CCDC82: variants seen among roughly 807,000 people sequenced by gnomAD.
The protein encoded by CCDC82 is coiled-coil domain containing 82.
In CCDC82, 47 loss-of-function variants were observed where a neutral mutation model predicts 60.6. The ratio of observed to expected loss-of-function variants is 0.77; its 90% CI spans 0.61 to 0.99. The LOEUF is 0.99. Ranked by LOEUF, CCDC82 falls within the 50% of genes least tolerant of loss-of-function variation. The pLI is 0.00. For synonymous variants in CCDC82, 212 were observed against 207.4 expected, an observed-to-expected ratio of 1.02 and a Z score of -0.19; for missense variants, 588 against 633.0, an observed-to-expected ratio of 0.93 and a Z score of 0.76.
chr11:96,360,513 T>A (rs1462834771), intron 8 of CCDC82, among the ~76,000 whole-genome samples: 2 of 152,002 alleles, frequency 1.3e-5, no homozygotes, highest in Non-Finnish European at 2.9e-5. Context: ...TTTACCTACA[T>A]CATTTTACCC....
rs142998560 is a variant in CCDC82 at position 96,369,703 on chromosome 11, A to G, written c.1209+1310T>C. 1.9e-3 allele frequency among the ~76,000 whole-genome samples: 296 copies of G among 152,336 alleles called. 1 individual carries two copies. The highest frequency in any genetic ancestry group is 6.9e-3 in the African/African-American group (288 of 41,582). ...TAATGAAAAAGTTTGAAATACTGCA[A>G]TAATTACCAAAATGTGACAGAGATG... On this transcript the variant is annotated intron_variant, in intron 7 of 9. Coordinates refer to ENST00000646818, the MANE Select transcript of CCDC82 (RefSeq NM_024725.4).
Position 96,371,010 on chromosome 11 carries a change from T to A in CCDC82, c.1209+3A>T. ...AGCAGAGATTCAAAAACAAACTGTG[T>A]ACCTTATATTGCTCTTTCCAACGAC... On this transcript the variant is annotated splice_donor_region_variant and intron_variant, in intron 7 of 9. Transcript: ENST00000646818. 6.3e-7 allele frequency: 1 copy of A among 1,575,534 alleles called. No individual in the cohort carries two copies. The highest frequency in any genetic ancestry group is 8.6e-7 in the Non-Finnish European group (1 of 1,164,446).
chr11:96,356,536 C>T (rs961610392), intron 9 of CCDC82: 3 of 985,022 alleles, frequency 3.0e-6, no homozygotes, highest in South Asian at 4.7e-5. Context: ...CCAGGAAGTC[C>T]CATCATCATA....
chr11:96,385,295 T>G (rs1866131281), intron 3 of CCDC82: 1 of 152,560 alleles, frequency 6.6e-6, no homozygotes, highest in Admixed American at 6.6e-5. Context: ...ACTCTGGCTT[T>G]AAGAAAGAAG....
rs71040144 is a variant in CCDC82, at chr11:96,368,865, C to CAA, written c.1209+2146_1209+2147dup. Among the ~76,000 whole-genome samples the CAA allele has an allele frequency of 1.2e-3, 167 of 142,124 alleles. 3 individuals are homozygous for CAA. The highest frequency in any genetic ancestry group is 7.0e-3 in the South Asian group (31 of 4,436). The allele number at this position is 142,124 out of a possible 152,430, so 93.2% of individuals were successfully genotyped here. On this transcript the variant is annotated intron_variant, in intron 7 of 9. Transcript: ENST00000646818. ...TGGGCGATGGAGAGAGACTCCGTCTCAAAAAAAAAAAAAGGCATCTTCTTC... is the reference window on the plus strand; with the variant it reads ...TGGGCGATGGAGAGAGACTCCGTCTCAAAAAAAAAAAAAAAGGCATCTTCTTC...
chr11:96,355,414 T>C (rs530109388), intron 9 of CCDC82: 39 of 152,258 alleles, frequency 2.6e-4, no homozygotes, highest in African/African-American at 9.4e-4. Context: ...CTTGCTTTTA[T>C]TGCAAGTAAC....
chr11:96,379,218 T>C (rs1020136995), intron 5 of CCDC82, among the ~76,000 whole-genome samples: 2 of 151,946 alleles, frequency 1.3e-5, no homozygotes, highest in African/African-American at 4.8e-5. Context: ...CAAATGCAAT[T>C]TTTAGAACAT....
intron 8 of CCDC82, among the ~76,000 whole-genome samples, chr11:96,359,815 C>A (rs539251885): frequency 2.0e-5 from 3 of 150,512 alleles, no homozygotes; most frequent in East Asian, 2.0e-4. Flanking sequence ...TTTCTTTTCC[C>A]CCCCCAAAAA....
intron 5 of CCDC82, among the ~76,000 whole-genome samples, chr11:96,376,263 T>C (rs1224685158): frequency 2.6e-5 from 4 of 152,160 alleles, no homozygotes; most frequent in Non-Finnish European, 5.9e-5. Context: ...TGTCATTCTT[T>C]AGAATTGTTT....
Position 96,384,147 on chromosome 11 carries a change from G to A in CCDC82, c.601C>T (p.Leu201=). The A allele has an allele frequency of 6.2e-7, 1 of 1,613,712 alleles. No homozygotes were observed. Among genetic ancestry groups the A allele is most frequent in the Non-Finnish European group, 8.5e-7 (1 of 1,179,780 alleles). ...CGTTTAACACCTACTTTTCTAACTA[G>A]GATATCGCTGTCATCACTCTCATCA... ...DSDESDDSDI[L]VRKVGVKRPR... The change falls in exon 4 of 10, where the codon CTA becomes TTA. Residue 201 remains leucine, a synonymous_variant. Transcript: ENST00000646818.
chr11:96,379,514 T>C (rs1865759951), intron 5 of CCDC82, among the ~76,000 whole-genome samples: 2 of 151,904 alleles, frequency 1.3e-5, no homozygotes, highest in East Asian at 1.9e-4. Flanking sequence ...GTACTAGAAA[T>C]ATAGAAAAGG....
chr11:96,358,966 G>A (rs1378315256), intron 9 of CCDC82, 27 bp downstream of exon 9: 16 of 1,541,858 alleles, frequency 1.0e-5, no homozygotes, highest in Non-Finnish European at 1.4e-5. Context: ...GAATCTACAT[G>A]ATAAGATTCT....
At chr11:96,379,924 G>GACC (rs1172783543) in intron 5 of CCDC82, among the ~76,000 whole-genome samples, 2 of 151,748 alleles carry the variant, frequency 1.3e-5, no homozygotes, top group Non-Finnish European at 1.5e-5. Flanking sequence ...GAAGATAGTT[G>GACC]AGGATGGAAC....
At chr11:96,368,613 T>G (rs1865077227) in intron 7 of CCDC82, among the ~76,000 whole-genome samples, 7 of 152,280 alleles carry the variant, frequency 4.6e-5, no homozygotes, top group Admixed American at 4.6e-4. Flanking sequence ...ACGTCCGTAA[T>G]CCCAGCACTT....
intron 7 of CCDC82, among the ~76,000 whole-genome samples, chr11:96,368,694 G>A (rs1010746736): frequency 4.6e-5 from 7 of 151,608 alleles, no homozygotes; most frequent in East Asian, 3.9e-4. Context: ...GCGAAACCCC[G>A]TCTCTACTAA....
At chr11:96,383,235 A>C (rs192036034) in intron 5 of CCDC82, 34 bp downstream of exon 5, 1 of 1,163,382 alleles carries the variant, frequency 8.6e-7, no homozygotes, top group East Asian at 2.3e-5. Context: ...TCATGAGAAC[A>C]ATTCATGAAA....
rs556467163 is a variant in CCDC82 at position 96,381,572 on chromosome 11, A to C, written c.991+1697T>G. 3 of 151,926 alleles carry C rather than the reference A, an allele frequency of 2.0e-5. No individual in the cohort carries two copies. The East Asian group carries it at 5.8e-4, about 29-fold the overall frequency. 9.4% of individuals were successfully genotyped at this position (151,926 alleles called of 1,614,324 possible). A position where few individuals can be genotyped will look rare whatever the true frequency, so the allele number is the denominator to read the frequency against. On this transcript the variant is annotated intron_variant, in intron 5 of 9. Coordinates refer to ENST00000646818, the MANE Select transcript of CCDC82 (RefSeq NM_024725.4). ...CCTACCAGAGCTGTAAAACATCATA[A>C]AAACAATCTTTGAAATTTTGTAGAA...
At chr11:96,372,931 T>C (rs1009790774) in intron 6 of CCDC82, among the ~76,000 whole-genome samples, 5 of 151,936 alleles carry the variant, frequency 3.3e-5, no homozygotes, top group Admixed American at 6.6e-5. Flanking sequence ...GATAGATTCA[T>C]AGTACAAATG....
intron 9 of CCDC82, chr11:96,356,980 G>A (rs550828828): frequency 1.2e-5 from 12 of 985,422 alleles, no homozygotes; most frequent in African/African-American, 8.7e-5. Context: ...AAATATGAGC[G>A]GAAAGTGCCA....
Sources: allele counts gnomAD v4.1 joint callset (sites outside exome capture counted in the v4.1 genomes callset), GRCh38; gene constraint gnomAD v4.1.1; transcripts MANE v1.5; gene names NCBI Gene and HGNC (gene_info 2026-07-23, HGNC 2026-07-21).